The following RYR3 variants were observed in gnomAD, a reference collection of about 807,000 sequenced individuals.
The protein encoded by RYR3 is brain ryanodine receptor-calcium release channel.
Under a neutral mutation model 584.3 loss-of-function variants are expected in RYR3, and 207 were observed. The ratio of observed to expected loss-of-function variants is 0.35; its 90% CI spans 0.32 to 0.40. The LOEUF (loss-of-function observed/expected upper bound fraction) is 0.40. Ranked by LOEUF, RYR3 falls within the 10% of genes least tolerant of loss-of-function variation. RYR3 has a pLI of 1.00. For synonymous variants in RYR3, 2,416 were observed against 2,248.5 expected (o/e 1.07, Z -2.11); for missense variants, 5,616 against 6,089.2 (o/e 0.92, Z 2.59).
At chr15:33,377,906 C>T (rs1309738150) in intron 1 of RYR3, among the ~76,000 whole-genome samples, 2 of 151,772 alleles carry the variant, frequency 1.3e-5, no homozygotes, top group Admixed American at 6.6e-5. Context: ...TCAGCCTCCC[C>T]AGTAGCTGGG....
intron 27 of RYR3, 66 bp downstream of exon 27, chr15:33,636,616 G>GCGAC (rs2061513303): frequency 1.4e-6 from 2 of 1,381,978 alleles, no homozygotes; most frequent in East Asian, 4.6e-5. Context: ...GGAGAGCTGA[G>GCGAC]CGACCTGCTC....
chr15:33,343,130 G>C (rs1158927392), intron 1 of RYR3, among the ~76,000 whole-genome samples: 2 of 152,158 alleles, frequency 1.3e-5, no homozygotes, highest in East Asian at 3.8e-4. Flanking sequence ...CAACCATTGA[G>C]CAAGTGCACA....
At position 33,729,931 on chromosome 15, in the gene RYR3, A is replaced by T. The variant is rs577816797; in HGVS notation, c.7203+905A>T. 4.7e-4 allele frequency among the ~76,000 whole-genome samples: 72 copies of T among 152,296 alleles called. 1 individual carries two copies. The highest frequency in any genetic ancestry group is 1.6e-3 in the African/African-American group (65 of 41,568). ...ATTCCACCTGCATGGGTTATCCAGA[A>T]ATGGAAAGAAATATGAGCCCCAACC... On this transcript the variant is annotated intron_variant, in intron 47 of 103. Transcript: ENST00000634891.
At chr15:33,531,727 C>T (rs776640435) in intron 4 of RYR3, among the ~76,000 whole-genome samples, 24 of 151,464 alleles carry the variant, frequency 1.6e-4, no homozygotes, top group South Asian at 4.2e-4. Context: ...TGGCAAAAGA[C>T]GAAAAACAAA....
At chr15:33,417,658 A>G (rs935769356) in intron 1 of RYR3, among the ~76,000 whole-genome samples, 14 of 152,084 alleles carry the variant, frequency 9.2e-5, no homozygotes, top group African/African-American at 2.4e-4. Context: ...CTCTTTTTCT[A>G]TTCGTATGCC....
chr15:33,363,613 C>A (rs545824749), intron 1 of RYR3, among the ~76,000 whole-genome samples: 1 of 152,208 alleles, frequency 6.6e-6, no homozygotes, highest in Middle Eastern at 3.4e-3. Flanking sequence ...AATGAGTATG[C>A]TGAAATTATT....
intron 1 of RYR3, among the ~76,000 whole-genome samples, chr15:33,352,560 G>A (rs1973427130): frequency 6.6e-6 from 1 of 152,166 alleles, no homozygotes; most frequent in Non-Finnish European, 1.5e-5. Context: ...AAAATCCTAG[G>A]AGACTTGGTG....
chr15:33,321,562 G>T (rs1178669611), intron 1 of RYR3, among the ~76,000 whole-genome samples: 2 of 152,168 alleles, frequency 1.3e-5, no homozygotes, highest in African/African-American at 4.8e-5. Flanking sequence ...TGACAGGTGT[G>T]TAGAAGGGCC....
chr15:33,809,798 G>A (rs562997507), intron 70 of RYR3, among the ~76,000 whole-genome samples: 1 of 152,120 alleles, frequency 6.6e-6, no homozygotes, highest in East Asian at 1.9e-4. Context: ...ACCGCACCTG[G>A]CCTGGATTCC....
chr15:33,647,192 C>A (rs11858421), intron 29 of RYR3, among the ~76,000 whole-genome samples: 5,277 of 152,292 alleles, frequency 0.035, 299 homozygotes, highest in African/African-American at 0.12. Context: ...TCTCAACTTA[C>A]CATCTAACTT....
At chr15:33,746,262 A>G (rs1012874716) in intron 53 of RYR3, 105 bp downstream of exon 53, 26 of 807,266 alleles carry the variant, frequency 3.2e-5, no homozygotes, top group Non-Finnish European at 4.9e-5. Context: ...TCCCTACAAC[A>G]TCATCATCTA....
chr15:33,837,356 A>G (rs1442868455), intron 88 of RYR3, among the ~76,000 whole-genome samples: 1 of 152,090 alleles, frequency 6.6e-6, no homozygotes, highest in Non-Finnish European at 1.5e-5. Context: ...ATGTATCCCT[A>G]TGTGTCCCTG....
intron 1 of RYR3, among the ~76,000 whole-genome samples, chr15:33,386,208 A>G (rs979678322): frequency 1.3e-5 from 2 of 152,118 alleles, no homozygotes; most frequent in African/African-American, 4.8e-5. Flanking sequence ...CTTGCTTTGT[A>G]TATTCCTAGA....
intron 43 of RYR3, among the ~76,000 whole-genome samples, chr15:33,707,399 A>T (rs1303437556): frequency 6.6e-6 from 1 of 152,188 alleles, no homozygotes; most frequent in Non-Finnish European, 1.5e-5. Flanking sequence ...CTAAATGCAC[A>T]TGTACATCTA....
At chr15:33,697,797 T>C (rs1166437669) in intron 39 of RYR3, 85 bp from the exon 40 acceptor site, 2 of 806,388 alleles carry the variant, frequency 2.5e-6, no homozygotes, top group Non-Finnish European at 4.4e-6. Context: ...TTTTGCCCTC[T>C]CGTGTGTTTG....
At position 33,794,349 on chromosome 15, in the gene RYR3, A is replaced by ACATATATATATGT. The variant is rs1491104139; in HGVS notation, c.9830+5891_9830+5892insCATATATATATGT. On this transcript the variant is annotated intron_variant, in intron 67 of 103. Coordinates refer to ENST00000634891, the MANE Select transcript of RYR3 (RefSeq NM_001036.6). ...TTTATATATGTTTATATATATAAAAATATATATATATATAAAATCTTTTCT... is the reference window on the plus strand; with the variant it reads ...TTTATATATGTTTATATATATAAAAACATATATATATGTTATATATATATATAAAATCTTTTCT... Among the ~76,000 whole-genome samples the ACATATATATATGT allele has an allele frequency of 5.9e-5, 6 of 102,468 alleles. No individual in the cohort carries two copies. The East Asian group carries it at 8.7e-4, about 15-fold the overall frequency. The allele number at this position is 102,468 out of a possible 152,430, so 67.2% of individuals were successfully genotyped here.
intron 10 of RYR3, 130 bp downstream of exon 10, chr15:33,550,446 T>C (rs1277654228): frequency 1.2e-6 from 1 of 806,148 alleles, no homozygotes; most frequent in South Asian, 1.9e-5. Flanking sequence ...CTAAGATAGA[T>C]AAACACTTTC....
At chr15:33,629,915 C>G (rs1452642470) in intron 21 of RYR3, 25 bp from the exon 22 acceptor site, 1 of 1,384,034 alleles carries the variant, frequency 7.2e-7, no homozygotes, top group African/African-American at 1.4e-5. Flanking sequence ...ACTTAAATCA[C>G]ATTCTTTCTT....
intron 1 of RYR3, among the ~76,000 whole-genome samples, chr15:33,342,276 T>G (rs1186517224): frequency 2.0e-5 from 3 of 152,216 alleles, no homozygotes; most frequent in African/African-American, 7.2e-5. Context: ...ACTGAAAATT[T>G]GTTGCATTGC....
Sources: allele counts gnomAD v4.1 joint callset (sites outside exome capture counted in the v4.1 genomes callset), GRCh38; gene constraint gnomAD v4.1.1; transcripts MANE v1.5; gene names NCBI Gene and HGNC (gene_info 2026-07-23, HGNC 2026-07-21).